IQCH: variants seen among roughly 807,000 people sequenced by gnomAD.
The protein encoded by IQCH is IQ motif containing H.
Under a neutral mutation model 117.0 loss-of-function variants are expected in IQCH, and 98 were observed. That is an observed-to-expected ratio of 0.84 (90% CI 0.71 to 0.99). The LOEUF (loss-of-function observed/expected upper bound fraction) is 0.99. IQCH is among the 50% of genes least tolerant of loss of function. The pLI is 0.00. For missense variants in IQCH, 1,102 were observed against 1,243.8 expected, an observed-to-expected ratio of 0.89 and a Z score of 1.72; for synonymous variants, 412 against 448.2, an observed-to-expected ratio of 0.92 and a Z score of 1.02.
At chr15:67,355,533 T>C (rs1015326313) in intron 6 of IQCH, among the ~76,000 whole-genome samples, 1 of 150,922 alleles carries the variant, frequency 6.6e-6, no homozygotes, top group Non-Finnish European at 1.5e-5. Flanking sequence ...GAGCTTGCAG[T>C]GAGCCGAGAT....
chr15:67,273,362 G>T (rs1224563081), intron 3 of IQCH, among the ~76,000 whole-genome samples: 1 of 152,086 alleles, frequency 6.6e-6, no homozygotes. Context: ...GAGCCACCAT[G>T]CCTGGCCTGA....
At chr15:67,282,239 A>G (rs1268690059) in intron 4 of IQCH, 2 of 152,596 alleles carry the variant, frequency 1.3e-5, no homozygotes, top group Non-Finnish European at 2.9e-5. Flanking sequence ...CAGAAGGTCC[A>G]TAGTTGGTCC....
intron 14 of IQCH, among the ~76,000 whole-genome samples, chr15:67,409,824 G>T (rs947360866): frequency 6.6e-6 from 1 of 152,186 alleles, no homozygotes; most frequent in Non-Finnish European, 1.5e-5. Context: ...TTTACATTAT[G>T]TTACCTTCTA....
In IQCH at chr15:67,426,205, G is replaced by T. The variant is rs2081885755; in HGVS notation, c.2505+4628G>T. The stretch of plus-strand genomic sequence containing the variant: ...TGAGACCTCTCAGTGGACAGAGCTA[G>T]CAAGTACATGTATTACGTAGGTACA... On this transcript the variant is annotated intron_variant, in intron 16 of 20. Coordinates refer to ENST00000335894, the MANE Select transcript of IQCH (RefSeq NM_001031715.3). This position sits in a 1 kb window ranked among gnomAD's most constrained non-coding sequence, Gnocchi z 5.1. Among the ~76,000 whole-genome samples, 1 of 152,170 alleles carries T rather than the reference G, an allele frequency of 6.6e-6. No homozygotes were observed. Among genetic ancestry groups the T allele is most frequent in the African/African-American group, 2.4e-5 (1 of 41,440 alleles).
rs1266958566 is a variant in IQCH at position 67,387,652 on chromosome 15, A to G, written c.1457-1179A>G. Among the ~76,000 whole-genome samples, 1 of 152,158 alleles carries G rather than the reference A, an allele frequency of 6.6e-6. No homozygotes were observed. The highest frequency in any genetic ancestry group is 6.5e-5 in the Admixed American group (1 of 15,274). On this transcript the variant is annotated intron_variant, in intron 11 of 20. Transcript: ENST00000335894. This position sits in a 1 kb window ranked among gnomAD's most constrained non-coding sequence, Gnocchi z 4.8. ...GTCAGGGTGGGCCAGGAGCACATTCACACACCTGTGCTGTTTCTTGAGCAC... is the reference window on the plus strand; with the variant it reads ...GTCAGGGTGGGCCAGGAGCACATTCGCACACCTGTGCTGTTTCTTGAGCAC...
intron 14 of IQCH, among the ~76,000 whole-genome samples, chr15:67,415,255 A>G (rs1355538828): frequency 1.3e-5 from 2 of 152,118 alleles, no homozygotes; most frequent in Non-Finnish European, 2.9e-5. Context: ...ATATGAAGGG[A>G]GGGAAAAGGC....
intron 4 of IQCH, among the ~76,000 whole-genome samples, chr15:67,324,408 G>A (rs374231457): frequency 2.0e-5 from 3 of 151,370 alleles, no homozygotes; most frequent in African/African-American, 7.3e-5. Flanking sequence ...TCCAGAGTTC[G>A]AGACCAACCT....
intron 4 of IQCH, among the ~76,000 whole-genome samples, chr15:67,311,688 C>T (rs1034406809): frequency 6.6e-6 from 1 of 151,530 alleles, no homozygotes; most frequent in Non-Finnish European, 1.5e-5. Flanking sequence ...TTTTGACATA[C>T]ACAATTATAC....
chr15:67,428,578 C>T (rs1193521528), intron 16 of IQCH, among the ~76,000 whole-genome samples: 6 of 152,074 alleles, frequency 3.9e-5, no homozygotes, highest in East Asian at 3.9e-4. Context: ...AGGCCGGGTG[C>T]GGTGACTCAC....
Position 67,474,416 on chromosome 15 carries a change from G to T in IQCH, c.2677-1280G>T, listed in dbSNP as rs1311537483. On this transcript the variant is annotated intron_variant, in intron 17 of 20. Transcript: ENST00000335894. This position sits in a 1 kb window ranked among gnomAD's most constrained non-coding sequence, Gnocchi z 4.1. ...AAGGTTGGCCATGGCCCTATATGCA[G>T]TTCTCCAAATTTCCAGCTATCTAGA... Among the ~76,000 whole-genome samples, 1 of 152,138 alleles carries T rather than the reference G, an allele frequency of 6.6e-6. No individual in the cohort carries two copies. The highest frequency in any genetic ancestry group is 1.9e-4 in the East Asian group (1 of 5,198).
Position 67,494,160 on chromosome 15 carries a change from A to T in IQCH, c.2862-98A>T, listed in dbSNP as rs2141101409. The T allele has an allele frequency of 1.3e-6, 1 of 758,794 alleles. No homozygotes were observed. Among genetic ancestry groups the T allele is most frequent in the Non-Finnish European group, 2.0e-6 (1 of 490,138 alleles). The allele number at this position is 758,794 out of a possible 1,614,324, so 47.0% of individuals were successfully genotyped here. ...CCTTGTGAGATTGAAAATACTCATT[A>T]AATTCCATCACCAGACAGGCACAAA... On this transcript the variant is annotated intron_variant, in intron 19 of 20. Transcript: ENST00000335894. The surrounding 1 kb of genome is among the most constrained non-coding windows in gnomAD (Gnocchi z 5.5).
intron 18 of IQCH, among the ~76,000 whole-genome samples, chr15:67,488,653 G>T (rs1362950914): frequency 6.6e-6 from 1 of 152,188 alleles, no homozygotes; most frequent in Non-Finnish European, 1.5e-5. Context: ...ATTTTTCCAT[G>T]GACGTGGAGG....
intron 6 of IQCH, among the ~76,000 whole-genome samples, chr15:67,352,156 T>C (rs143491768): frequency 1.3e-5 from 2 of 152,260 alleles, no homozygotes; most frequent in Admixed American, 1.3e-4. Flanking sequence ...TGTGATTAGC[T>C]TCTTATTTTC....
Position 67,430,717 on chromosome 15 carries a change from T to G in IQCH, c.2505+9140T>G, listed in dbSNP as rs2082001230. Among the ~76,000 whole-genome samples the G allele has an allele frequency of 6.6e-6, 1 of 152,148 alleles. No individual in the cohort carries two copies. The highest frequency in any genetic ancestry group is 2.1e-4 in the South Asian group (1 of 4,822). On this transcript the variant is annotated intron_variant, in intron 16 of 20. Transcript: ENST00000335894. This position sits in a 1 kb window ranked among gnomAD's most constrained non-coding sequence, Gnocchi z 5.1. ...AGTTAATTACTCACTTTGGGGAAAC[T>G]CTAAAAAAAACAAGTGTTTATTGAG...
intron 15 of IQCH, among the ~76,000 whole-genome samples, chr15:67,419,610 G>C (rs1370889475): frequency 6.6e-6 from 1 of 152,186 alleles, no homozygotes; most frequent in Non-Finnish European, 1.5e-5. Flanking sequence ...CTGGAGTGCA[G>C]TGGCACAATT....
chr15:67,400,163 G>T lies in IQCH; in HGVS notation c.1955G>T (p.Arg652Leu). Residue 652 changes from arginine (R) to leucine (L), a missense_variant, in exon 14 of 21, where the codon CGT (arginine) becomes CTT (leucine). Arg to Leu is a moderately radical substitution (Grantham distance 102, BLOSUM62 -2). Coordinates refer to ENST00000335894, the MANE Select transcript of IQCH (RefSeq NM_001031715.3). Reference sequence around the variant, plus strand: ...ATAACTGATCACCTGCAAATACAGCGTTGGCTCTTTAAAATGGACTCTGAG... The same window carrying T: ...ATAACTGATCACCTGCAAATACAGCTTTGGCTCTTTAAAATGGACTCTGAG... ...QLITDHLQIQ[R>L]WLFKMDSEFR... is the part of the protein sequence containing the mutation. The T allele has an allele frequency of 6.2e-7, 1 of 1,613,872 alleles. No individual in the cohort carries two copies.
intron 15 of IQCH, 52 bp from the exon 16 acceptor site, chr15:67,421,239 A>G (rs1282321953): frequency 7.3e-6 from 11 of 1,502,644 alleles, no homozygotes; most frequent in Non-Finnish European, 1.0e-5. Context: ...TCTGAGCCCA[A>G]GTCAAACAAA....
At chr15:67,442,708 T>C (rs555240741) in intron 16 of IQCH, among the ~76,000 whole-genome samples, 5 of 152,084 alleles carry the variant, frequency 3.3e-5, no homozygotes, top group Non-Finnish European at 7.4e-5. Flanking sequence ...GAAGTCATTA[T>C]TCAAAAGAGA....
At position 67,490,141 on chromosome 15, in the gene IQCH, C is replaced by A; in HGVS notation, c.2861+77C>A. On this transcript the variant is annotated intron_variant, in intron 19 of 20. Transcript: ENST00000335894. The surrounding 1 kb of genome is among the most constrained non-coding windows in gnomAD (Gnocchi z 4.9). ...CACAACTAACAAGAATGATGCTTCT[C>A]ATGCATTTTAATCAGCATGCTGATT... The A allele has an allele frequency of 3.2e-6, 3 of 940,766 alleles. No individual in the cohort carries two copies. The highest frequency in any genetic ancestry group is 2.7e-5 in the South Asian group (2 of 72,762). The allele number at this position is 940,766 out of a possible 1,614,324, so 58.3% of individuals were successfully genotyped here. A position where few individuals can be genotyped will look rare whatever the true frequency, so the allele number is the denominator to read the frequency against.
Sources: gnomAD v4.1 joint callset for allele counts (sites outside exome capture counted in the v4.1 genomes callset) on GRCh38, gnomAD v4.1.1 for gene constraint, Gnocchi (gnomAD v3.1) non-coding constraint, MANE v1.5 for transcripts, NCBI Gene and HGNC (gene_info 2026-07-23, HGNC 2026-07-21) for gene names.